Variants in ITPR2 observed in about 807,000 individuals in gnomAD.
ITPR2 encodes the protein inositol 1,4,5-trisphosphate-gated calcium channel ITPR2.
In ITPR2, 207 loss-of-function variants were observed where a neutral mutation model predicts 317.1. The observed-to-expected ratio is 0.65, with a 90% confidence interval of 0.58 to 0.73. ITPR2 has a LOEUF of 0.73. Ranked by LOEUF, ITPR2 falls within the 30% of genes least tolerant of loss-of-function variation. The pLI, the probability that ITPR2 is intolerant of heterozygous loss-of-function variation, is 0.00. For missense variants in ITPR2, 2,613 were observed against 3,284.0 expected, an observed-to-expected ratio of 0.80 and a Z score of 4.99; for synonymous variants, 1,156 against 1,149.1, an observed-to-expected ratio of 1.01 and a Z score of -0.12.
chr12:26,688,401 A>T (rs753225738), intron 10 of ITPR2, among the ~76,000 whole-genome samples: 8 of 152,118 alleles, frequency 5.3e-5, no homozygotes, highest in Non-Finnish European at 1.0e-4. Flanking sequence ...GGTTGTTCTC[A>T]TTAATCCCAC....
Position 26,832,900 on chromosome 12 carries a change from G to A in ITPR2, c.-119C>T, listed in dbSNP as rs57502050. On this transcript the variant is annotated 5_prime_UTR_variant, in exon 1 of 57. Coordinates refer to ENST00000381340, the MANE Select transcript of ITPR2 (RefSeq NM_002223.4). ...CGCGGGACTACAGCGGCCAAGAGCC[G>A]CGGCGGAGGGCACGGCCCGAGCCAC... is the stretch of plus-strand genomic sequence containing the variant. 5,293 of 754,812 alleles carry A rather than the reference G, an allele frequency of 7.0e-3. 225 individuals carry two copies. The African/African-American group carries it at 0.087, about 12-fold the overall frequency. The allele number at this position is 754,812 out of a possible 1,614,324, so 46.8% of individuals were successfully genotyped here. A position where few individuals can be genotyped will look rare whatever the true frequency, so the allele number is the denominator to read the frequency against.
intron 46 of ITPR2, among the ~76,000 whole-genome samples, chr12:26,440,016 T>G (rs1034209604): frequency 3.9e-5 from 6 of 152,224 alleles, no homozygotes; most frequent in African/African-American, 1.4e-4. Flanking sequence ...TTCATATTTA[T>G]GTACAGTGCC....
At chr12:26,650,262 C>G (rs938033999) in intron 21 of ITPR2, among the ~76,000 whole-genome samples, 2 of 152,068 alleles carry the variant, frequency 1.3e-5, no homozygotes, top group African/African-American at 2.4e-5. Context: ...AGAAAAAGAT[C>G]AGCAGTTGCC....
chr12:26,482,495 A>G (rs1286018511), intron 42 of ITPR2, among the ~76,000 whole-genome samples: 5 of 152,246 alleles, frequency 3.3e-5, no homozygotes, highest in Non-Finnish European at 7.3e-5. Context: ...TTTCTATTAT[A>G]GATGTACAAG....
rs764803756 is a variant in ITPR2, at chr12:26,602,366, T to TA, written c.3678+3dup. On this transcript the variant is annotated splice_donor_region_variant and intron_variant, in intron 28 of 56. Transcript: ENST00000381340. Reference sequence around the variant, plus strand: ...CTAAAGAACAAAAAATAACCAGGACTAACCTTTTCATAGGGTATCTGCAGA... The same window carrying TA: ...CTAAAGAACAAAAAATAACCAGGACTAAACCTTTTCATAGGGTATCTGCAGA... 4 of 1,609,604 alleles carry TA rather than the reference T, an allele frequency of 2.5e-6. No homozygotes were observed. The highest frequency in any genetic ancestry group is 3.4e-6 in the Non-Finnish European group (4 of 1,178,574).
rs1937907340 is a variant in ITPR2 at position 26,336,158 on chromosome 12, C to T, written c.*3239G>A. On this transcript the variant is annotated 3_prime_UTR_variant, in exon 57 of 57. Transcript: ENST00000381340. ...AGCTAATATTTACCCCTCCTTTTCT[C>T]TAATGATAGAGTACTGGGAAGCAGA... 6.6e-6 allele frequency among the ~76,000 whole-genome samples: 1 copy of T among 152,172 alleles called. No individual in the cohort carries two copies. Among genetic ancestry groups the T allele is most frequent in the African/African-American group, 2.4e-5 (1 of 41,438 alleles).
chr12:26,719,065 T>C (rs565666259), intron 5 of ITPR2, among the ~76,000 whole-genome samples: 4 of 152,312 alleles, frequency 2.6e-5, no homozygotes, highest in Admixed American at 1.3e-4. Context: ...TGACAATGAT[T>C]ACCTTGCCTA....
intron 54 of ITPR2, among the ~76,000 whole-genome samples, chr12:26,389,283 G>C (rs1027151337): frequency 3.9e-4 from 59 of 152,310 alleles, no homozygotes; most frequent in African/African-American, 1.4e-3. Context: ...GTCCTTACAA[G>C]GACCTACAAG....
chr12:26,705,374 C>A (rs1379664418), intron 9 of ITPR2, among the ~76,000 whole-genome samples: 3 of 152,172 alleles, frequency 2.0e-5, no homozygotes, highest in African/African-American at 7.2e-5. Context: ...TCTCTCCTTC[C>A]TTGCTTGGTA....
At chr12:26,777,015 T>A in intron 2 of ITPR2, among the ~76,000 whole-genome samples, 1 of 152,152 alleles carries the variant, frequency 6.6e-6, no homozygotes, top group Non-Finnish European at 1.5e-5. Context: ...GGGTATGGAA[T>A]AATGGTGGAA....
intron 15 of ITPR2, among the ~76,000 whole-genome samples, chr12:26,662,574 A>T (rs938792730): frequency 3.3e-5 from 5 of 152,238 alleles, no homozygotes; most frequent in Non-Finnish European, 4.4e-5. Flanking sequence ...CCTCAAATGG[A>T]TTAAGAGAAA....
chr12:26,820,278 C>T (rs1950919658), intron 1 of ITPR2, among the ~76,000 whole-genome samples: 1 of 152,010 alleles, frequency 6.6e-6, no homozygotes, highest in South Asian at 2.1e-4. Context: ...AAATATGAGA[C>T]ATTATATTGA....
intron 2 of ITPR2, among the ~76,000 whole-genome samples, chr12:26,737,504 C>T (rs953282208): frequency 2.0e-5 from 3 of 152,128 alleles, no homozygotes; most frequent in South Asian, 2.1e-4. Context: ...CTGCCCACCT[C>T]GGCCTCCTAA....
At position 26,723,469 on chromosome 12, in the gene ITPR2, G is replaced by T. The variant is rs191896118; in HGVS notation, c.367-914C>A. Among the ~76,000 whole-genome samples, 365 of 152,192 alleles carry T rather than the reference G, an allele frequency of 2.4e-3. 3 individuals carry two copies. The highest frequency in any genetic ancestry group is 3.6e-3 in the Non-Finnish European group (245 of 68,004). Reference sequence around the variant, plus strand: ...TTCGGGTACTTGACAAGAAACATAAGTTCCACTTGCTGACATTTAACCGAA... The same window carrying T: ...TTCGGGTACTTGACAAGAAACATAATTTCCACTTGCTGACATTTAACCGAA... On this transcript the variant is annotated intron_variant, in intron 4 of 56. Coordinates refer to ENST00000381340, the MANE Select transcript of ITPR2 (RefSeq NM_002223.4).
At chr12:26,625,978 T>C (rs942152582) in intron 23 of ITPR2, among the ~76,000 whole-genome samples, 1 of 152,190 alleles carries the variant, frequency 6.6e-6, no homozygotes, top group Non-Finnish European at 1.5e-5. Context: ...TTGTTTGTTA[T>C]TGAAACAGGG....
chr12:26,458,463 G>C (rs574264493), intron 45 of ITPR2, among the ~76,000 whole-genome samples: 2 of 152,180 alleles, frequency 1.3e-5, no homozygotes, highest in African/African-American at 4.8e-5. Flanking sequence ...GGGGAAGCCA[G>C]AAAGGGCCTG....
At chr12:26,442,280 C>A (rs1356080037) in intron 46 of ITPR2, among the ~76,000 whole-genome samples, 4 of 152,150 alleles carry the variant, frequency 2.6e-5, no homozygotes, top group Non-Finnish European at 5.9e-5. Context: ...TCAGGCACCA[C>A]TAATTATTAT....
At chr12:26,517,668 T>C (rs932082752) in intron 37 of ITPR2, among the ~76,000 whole-genome samples, 49 of 152,108 alleles carry the variant, frequency 3.2e-4, no homozygotes, top group African/African-American at 1.1e-3. Flanking sequence ...CAAAACCACA[T>C]CTCTCCTAAA....
At chr12:26,510,631 T>C (rs1269877905) in intron 37 of ITPR2, among the ~76,000 whole-genome samples, 5 of 152,346 alleles carry the variant, frequency 3.3e-5, no homozygotes, top group Admixed American at 2.6e-4. Context: ...GACCACTTAA[T>C]CTAGTCATTA....
Sources: gnomAD v4.1 joint callset for allele counts (sites outside exome capture counted in the v4.1 genomes callset) on GRCh38, gnomAD v4.1.1 for gene constraint, MANE v1.5 for transcripts, NCBI Gene and HGNC (gene_info 2026-07-23, HGNC 2026-07-21) for gene names.